SLC7A8: variants seen among roughly 807,000 people sequenced by gnomAD.
SLC7A8 encodes solute carrier family 7 member 8, also known as large neutral amino acids transporter small subunit 2.
A neutral mutation model predicts 51.2 loss-of-function variants in SLC7A8; 30 were observed. The observed-to-expected ratio is 0.59, with a 90% confidence interval of 0.44 to 0.80. SLC7A8 has a LOEUF of 0.80. SLC7A8 is among the 30% of genes least tolerant of loss of function. The probability of loss-of-function intolerance (pLI) is 0.00; values close to 1 mark genes in which losing one functional copy is unlikely to be tolerated. For missense variants in SLC7A8, 612 were observed against 674.4 expected, an observed-to-expected ratio of 0.91 and a Z score of 1.03; for synonymous variants, 257 against 275.8, an observed-to-expected ratio of 0.93 and a Z score of 0.67.
intron 3 of SLC7A8, among the ~76,000 whole-genome samples, chr14:23,149,762 T>A (rs2048830436): frequency 6.6e-6 from 1 of 152,228 alleles, no homozygotes; most frequent in Non-Finnish European, 1.5e-5. Context: ...CATAATGACA[T>A]TTTGGGCAAC....
intron 3 of SLC7A8, among the ~76,000 whole-genome samples, chr14:23,151,146 C>T (rs2048843232): frequency 6.6e-6 from 1 of 152,204 alleles, no homozygotes; most frequent in Admixed American, 6.5e-5. Flanking sequence ...ACTCCTCAGG[C>T]CCCACGGAGA....
chr14:23,164,610 CTTTT>C (rs113840221), intron 3 of SLC7A8, among the ~76,000 whole-genome samples: 1 of 134,372 alleles, frequency 7.4e-6, no homozygotes, highest in Non-Finnish European at 1.6e-5. Flanking sequence ...AAGTTTCTTT[CTTTT>C]TTTTTTTTTA....
chr14:23,139,285 T>C (rs2094844411), intron 6 of SLC7A8, 139 bp downstream of exon 6: 2 of 1,309,556 alleles, frequency 1.5e-6, no homozygotes, highest in African/African-American at 1.4e-5. Flanking sequence ...GCCAATGACA[T>C]ATGTGGTTTC....
At chr14:23,127,785 G>A (rs571233162) in intron 10 of SLC7A8, among the ~76,000 whole-genome samples, 1 of 152,298 alleles carries the variant, frequency 6.6e-6, no homozygotes, top group Admixed American at 6.5e-5. Context: ...CCCAGCCCAG[G>A]TTGCCTATTC....
At chr14:23,181,290 C>CA (rs956595139) in intron 1 of SLC7A8, among the ~76,000 whole-genome samples, 26 of 151,204 alleles carry the variant, frequency 1.7e-4, no homozygotes, top group South Asian at 4.2e-4. Flanking sequence ...AAAGGAGAGG[C>CA]AAAAAAAATG....
chr14:23,167,548 A>G (rs2268877), intron 1 of SLC7A8, among the ~76,000 whole-genome samples: 34,907 of 151,800 alleles, frequency 0.23, 4,562 homozygotes, highest in East Asian at 0.45. Context: ...CTGAATGGCT[A>G]GCTGCTGGGT....
In SLC7A8 at chr14:23,143,111, A is replaced by C. The variant is rs200616238; in HGVS notation, c.602T>G (p.Ile201Ser). The C allele has an allele frequency of 8.7e-6, 14 of 1,614,168 alleles. No homozygotes were observed. In the Middle Eastern group the frequency reaches 4.9e-4, roughly 57 times the overall value. ...TATCTGTACAATCCCCATGATGATAATCAGGGCCAAGGCCAGGAGCTTCCC... is the reference window on the plus strand; with the variant it reads ...TATCTGTACAATCCCCATGATGATACTCAGGGCCAAGGCCAGGAGCTTCCC... Reference protein sequence around the residue: ...TAGKLLALALIIIMGIVQICK... With the variant: ...TAGKLLALALSIIMGIVQICK... The change falls in exon 4 of 11, where the codon ATT (isoleucine) becomes AGT (serine). Residue 201 changes from isoleucine (I) to serine (S), a missense_variant. Coordinates refer to ENST00000316902, the MANE Select transcript of SLC7A8 (RefSeq NM_012244.4).
At chr14:23,178,834 A>G (rs1436347661) in intron 1 of SLC7A8, among the ~76,000 whole-genome samples, 1 of 142,534 alleles carries the variant, frequency 7.0e-6, no homozygotes, top group Non-Finnish European at 1.5e-5. Context: ...GCAGTGAGCT[A>G]TGATTGCACC....
At chr14:23,155,146 T>C (rs1566367839) in intron 3 of SLC7A8, 3 of 1,535,210 alleles carry the variant, frequency 2.0e-6, no homozygotes, top group African/African-American at 1.4e-5. Flanking sequence ...CTCCAGCCCT[T>C]TTCATCTCGA....
chr14:23,170,873 G>A (rs762263929), intron 1 of SLC7A8, among the ~76,000 whole-genome samples: 5 of 152,018 alleles, frequency 3.3e-5, no homozygotes, highest in African/African-American at 7.2e-5. Context: ...CTATGGGTGT[G>A]TGCCACTATA....
At chr14:23,152,899 C>G (rs1168717187) in intron 3 of SLC7A8, among the ~76,000 whole-genome samples, 1 of 152,164 alleles carries the variant, frequency 6.6e-6, no homozygotes, top group Non-Finnish European at 1.5e-5. Flanking sequence ...TCTGGTCTGA[C>G]AGGGTAAAGG....
rs774224384 is a variant in SLC7A8 at position 23,131,554 on chromosome 14, C to G, written c.1020G>C (p.Leu340=). 1.2e-6 allele frequency: 2 copies of G among 1,600,358 alleles called. No homozygotes were observed. The highest frequency in any genetic ancestry group is 1.1e-5 in the South Asian group (1 of 89,058). The change falls in exon 8 of 11, where the codon CTG becomes CTC. Residue 340 remains leucine (L), a synonymous_variant. Transcript: ENST00000316902. ...VNGSLFTSSR[L]FFAGAREGHL... is the part of the protein sequence containing the mutation. ...GGCCCTCTCGGGCTCCAGCGAAGAA[C>G]AGCCTGTCAGGGAGAAAAGCAGGTC...
At chr14:23,129,955 T>C in intron 8 of SLC7A8, 156 bp from the exon 9 acceptor site, 1 of 708,646 alleles carries the variant, frequency 1.4e-6, no homozygotes, top group Admixed American at 2.9e-5. Flanking sequence ...TAACCCAATA[T>C]GTTACAACAT....
intron 1 of SLC7A8, among the ~76,000 whole-genome samples, chr14:23,168,825 C>T (rs994164574): frequency 3.3e-5 from 5 of 152,154 alleles, no homozygotes; most frequent in East Asian, 3.8e-4. Context: ...TCTGACATTT[C>T]GAGTATGTTC....
chr14:23,144,200 T>C (rs138079169), intron 3 of SLC7A8, among the ~76,000 whole-genome samples: 21 of 152,246 alleles, frequency 1.4e-4, no homozygotes, highest in Non-Finnish European at 1.9e-4. Context: ...TCCTGGGCCA[T>C]AGAGTAAATG....
intron 3 of SLC7A8, among the ~76,000 whole-genome samples, chr14:23,153,392 A>G (rs1594832332): frequency 1.3e-5 from 2 of 152,220 alleles, no homozygotes; most frequent in South Asian, 4.2e-4. Context: ...GCCTTCCTTC[A>G]TTATACACAG....
chr14:23,180,120 A>C lies in SLC7A8; in HGVS notation c.151+2644T>G, dbSNP rs376592757. Among the ~76,000 whole-genome samples, 35 of 152,136 alleles carry C rather than the reference A, an allele frequency of 2.3e-4. No individual in the cohort carries two copies. The East Asian group carries it at 6.4e-3, about 28-fold the overall frequency. On this transcript the variant is annotated intron_variant, in intron 1 of 10. Transcript: ENST00000316902. The stretch of plus-strand genomic sequence containing the variant: ...ACGAGGTTTCACCGTGTTAGCCAGG[A>C]TGGTCTTGATCTCCTGACCTCGTGA...
intron 7 of SLC7A8, among the ~76,000 whole-genome samples, chr14:23,133,351 G>T (rs1373804173): frequency 1.3e-5 from 2 of 149,774 alleles, no homozygotes; most frequent in African/African-American, 2.5e-5. Flanking sequence ...TGAGGTGACA[G>T]GATCACATGA....
At chr14:23,162,716 G>A (rs980910655) in intron 3 of SLC7A8, among the ~76,000 whole-genome samples, 1 of 152,160 alleles carries the variant, frequency 6.6e-6, no homozygotes, top group African/African-American at 2.4e-5. Flanking sequence ...TTTCTGGTCC[G>A]AGGGGACGCC....
Sources: allele counts gnomAD v4.1 joint callset (sites outside exome capture counted in the v4.1 genomes callset), GRCh38; gene constraint gnomAD v4.1.1; transcripts MANE v1.5; gene names NCBI Gene and HGNC (gene_info 2026-07-23, HGNC 2026-07-21).